FAM76B: variants seen among roughly 807,000 people sequenced by gnomAD.
FAM76B encodes family with sequence similarity 76 member B, also known as protein FAM76B.
A neutral mutation model predicts 51.8 loss-of-function variants in FAM76B; 16 were observed. That is an observed-to-expected ratio of 0.31 (90% CI 0.21 to 0.47). The LOEUF (loss-of-function observed/expected upper bound fraction) is 0.47, where lower values mean the gene tolerates loss of function less well. Ranked by LOEUF, FAM76B falls within the 20% of genes least tolerant of loss-of-function variation. The pLI is 1.00. For missense variants in FAM76B, 342 were observed against 392.6 expected, an observed-to-expected ratio of 0.87 and a Z score of 1.09; for synonymous variants, 166 against 129.5, an observed-to-expected ratio of 1.28 and a Z score of -1.91.
chr11:95,778,552 G>A (rs1477438511), intron 8 of FAM76B, among the ~76,000 whole-genome samples: 3 of 151,476 alleles, frequency 2.0e-5, no homozygotes, highest in East Asian at 1.9e-4. Context: ...TTAGGTATTA[G>A]ATCTATTTTT....
At chr11:95,781,969 G>C (rs532665335) in intron 5 of FAM76B, among the ~76,000 whole-genome samples, 1 of 152,088 alleles carries the variant, frequency 6.6e-6, no homozygotes, top group Non-Finnish European at 1.5e-5. Context: ...TCCAAAATGA[G>C]GTGGGCATCA....
chr11:95,788,507 T>A lies in FAM76B; in HGVS notation c.144A>T (p.Gln48His). The A allele has an allele frequency of 1.2e-6, 2 of 1,612,448 alleles. No homozygotes were observed. The highest frequency in any genetic ancestry group is 1.7e-6 in the Non-Finnish European group (2 of 1,179,044). ...VKCTYCRSEF[Q>H]QESKTNTICK... is the part of the protein sequence containing the mutation. ...CTATTCAGTATACAAACCTCTCTTG[T>A]TGAAATTCTGATCTGCAGTAAGTAC... Residue 48 changes from glutamine (Q) to histidine (H), a missense_variant, in exon 2 of 10, where the codon CAA (glutamine) becomes CAT (histidine). Transcript: ENST00000358780.
At chr11:95,775,670 C>T (rs1859971020) in intron 9 of FAM76B, among the ~76,000 whole-genome samples, 1 of 151,420 alleles carries the variant, frequency 6.6e-6, no homozygotes, top group African/African-American at 2.4e-5. Flanking sequence ...CAATGATACC[C>T]TCCTCCAAAA....
chr11:95,778,459 T>C (rs1860109622), intron 8 of FAM76B, among the ~76,000 whole-genome samples: 1 of 151,580 alleles, frequency 6.6e-6, no homozygotes, highest in Non-Finnish European at 1.5e-5. Flanking sequence ...TACAAATATA[T>C]GAATGTTATA....
At chr11:95,773,347 C>T (rs953639460) in intron 9 of FAM76B, among the ~76,000 whole-genome samples, 1 of 148,032 alleles carries the variant, frequency 6.8e-6, no homozygotes. Flanking sequence ...TTGTTAAGTA[C>T]AAGTCCAAAT....
In FAM76B at chr11:95,789,607, G is replaced by C. The variant is rs1039192756; in HGVS notation, c.-129C>G. On this transcript the variant is annotated 5_prime_UTR_variant, in exon 1 of 10. Coordinates refer to ENST00000358780, the MANE Select transcript of FAM76B (RefSeq NM_144664.5). Reference sequence around the variant, plus strand: ...CCTCCCCCTGCCTCGCGCCCACCAGGGCCTCGCCGCGAGAGCCCAGGGCCC... The same window carrying C: ...CCTCCCCCTGCCTCGCGCCCACCAGCGCCTCGCCGCGAGAGCCCAGGGCCC... The C allele has an allele frequency of 4.3e-5, 32 of 740,692 alleles. No individual in the cohort carries two copies. In the Admixed American group the frequency reaches 7.6e-4, roughly 18 times the overall value. The allele number at this position is 740,692 out of a possible 1,614,324, so 45.9% of individuals were successfully genotyped here.
chr11:95,772,359 T>A (rs1859804941), intron 9 of FAM76B, among the ~76,000 whole-genome samples: 1 of 151,226 alleles, frequency 6.6e-6, no homozygotes, highest in Non-Finnish European at 1.5e-5. Context: ...ATCATCTGAC[T>A]TGAATTTCAT....
In FAM76B at chr11:95,783,121, T is replaced by A; in HGVS notation, c.507A>T (p.Pro169=). Reference sequence around the variant, plus strand: ...GGTGATGATGGTGGTGATGATGTTTTGGATGATGCTGGTCTTTCTCAGTAA... The same window carrying A: ...GGTGATGATGGTGGTGATGATGTTTAGGATGATGCTGGTCTTTCTCAGTAA... The part of the protein sequence containing the change: ...SSLTEKDQHH[P]KHHHHHHHHH... The change falls in exon 5 of 10, where the codon CCA becomes CCT. Residue 169 remains proline, a synonymous_variant. Coordinates refer to ENST00000358780, the MANE Select transcript of FAM76B (RefSeq NM_144664.5). 6.2e-7 allele frequency: 1 copy of A among 1,612,758 alleles called. No individual in the cohort carries two copies. The highest frequency in any genetic ancestry group is 1.1e-5 in the South Asian group (1 of 90,986).
At chr11:95,788,863 G>T in intron 1 of FAM76B, 1 of 1,384,316 alleles carries the variant, frequency 7.2e-7, no homozygotes, top group Non-Finnish European at 9.5e-7. Flanking sequence ...TTGCACCGTT[G>T]CTCACAGACA....
At chr11:95,781,553 T>C (rs899618986) in intron 5 of FAM76B, among the ~76,000 whole-genome samples, 1 of 152,156 alleles carries the variant, frequency 6.6e-6, no homozygotes, top group Admixed American at 6.6e-5. Flanking sequence ...AAACATAATC[T>C]GATTGTGTCC....
intron 9 of FAM76B, among the ~76,000 whole-genome samples, chr11:95,774,706 T>TATATAAGAATCTG (rs1464098277): frequency 7.4e-6 from 1 of 135,414 alleles, no homozygotes; most frequent in African/African-American, 2.5e-5. Context: ...CATTGACTAA[T>TATATAAGAATCTG]ATATAAGAAT....
At chr11:95,784,664 T>C (rs1860462116) in intron 4 of FAM76B, among the ~76,000 whole-genome samples, 1 of 151,396 alleles carries the variant, frequency 6.6e-6, no homozygotes, top group Admixed American at 6.6e-5. Context: ...CTTGGCTCAC[T>C]GCAAGCTCCG....
chr11:95,770,059 AAC>A lies in FAM76B; in HGVS notation c.*1500_*1501del, dbSNP rs1859700665. 1.3e-5 allele frequency: 2 copies of A among 151,722 alleles called. No homozygotes were observed. The highest frequency in any genetic ancestry group is 2.1e-4 in the South Asian group (1 of 4,828). The allele number at this position is 151,722 out of a possible 1,614,324, so 9.4% of individuals were successfully genotyped here. A position where few individuals can be genotyped will look rare whatever the true frequency, so the allele number is the denominator to read the frequency against. On this transcript the variant is annotated 3_prime_UTR_variant, in exon 10 of 10. Coordinates refer to ENST00000358780, the MANE Select transcript of FAM76B (RefSeq NM_144664.5). ...AACCTTTAAAACTTATAAATTTAGT[AAC>A]AGTTTTACATGAAGCAAATTTATCT...
intron 7 of FAM76B, 143 bp downstream of exon 7, chr11:95,779,464 C>T: frequency 1.4e-6 from 1 of 735,650 alleles, no homozygotes; most frequent in Admixed American, 3.6e-5. Context: ...AAATTTTAAA[C>T]TAATTTATGT....
intron 9 of FAM76B, among the ~76,000 whole-genome samples, chr11:95,774,012 T>TA (rs968182298): frequency 6.6e-6 from 1 of 151,284 alleles, no homozygotes; most frequent in African/African-American, 2.4e-5. Flanking sequence ...AGAATCCTAC[T>TA]AGTATCACTT....
chr11:95,780,989 TG>T (rs1860237513), intron 5 of FAM76B, among the ~76,000 whole-genome samples: 1 of 151,360 alleles, frequency 6.6e-6, no homozygotes, highest in Non-Finnish European at 1.5e-5. Flanking sequence ...AGTACCAAGT[TG>T]GGAAAAAAAT....
intron 9 of FAM76B, among the ~76,000 whole-genome samples, chr11:95,775,561 T>C (rs921176505): frequency 2.0e-5 from 3 of 151,458 alleles, no homozygotes; most frequent in Admixed American, 6.6e-5. Context: ...AATATTAATG[T>C]GAGGAATGAT....
intron 3 of FAM76B, chr11:95,786,908 T>G (rs971548121): frequency 5.3e-5 from 8 of 152,278 alleles, no homozygotes; most frequent in African/African-American, 1.9e-4. Context: ...GTAGTATACA[T>G]ATAAGACAAT....
chr11:95,784,592 A>ACACAC (rs1455958837), intron 4 of FAM76B, among the ~76,000 whole-genome samples: 2 of 148,998 alleles, frequency 1.3e-5, no homozygotes, highest in African/African-American at 5.0e-5. Flanking sequence ...ACACACACAC[A>ACACAC]ATTTTTTTTT....
Sources: gnomAD v4.1 joint callset for allele counts (sites outside exome capture counted in the v4.1 genomes callset) on GRCh38, gnomAD v4.1.1 for gene constraint, MANE v1.5 for transcripts, NCBI Gene and HGNC (gene_info 2026-07-23, HGNC 2026-07-21) for gene names.